PLCE1: variants seen among roughly 807,000 people sequenced by gnomAD.
PLCE1 encodes 1-phosphatidylinositol 4,5-bisphosphate phosphodiesterase epsilon-1.
A neutral mutation model predicts 242.8 loss-of-function variants in PLCE1; 119 were observed. That is an observed-to-expected ratio of 0.49 (90% confidence interval 0.42 to 0.57). The LOEUF is 0.57. Among genes scored for constraint, PLCE1 ranks in the 20% least tolerant of loss-of-function variants. The pLI, the probability that PLCE1 is intolerant of heterozygous loss-of-function variation, is 0.00. For missense variants in PLCE1, 2,441 were observed against 2,788.8 expected (o/e 0.88, Z 2.81); for synonymous variants, 945 against 1,017.4 (o/e 0.93, Z 1.35).
At chr10:94,023,934 C>G (rs967356882) in intron 1 of PLCE1, among the ~76,000 whole-genome samples, 2 of 151,916 alleles carry the variant, frequency 1.3e-5, no homozygotes, top group African/African-American at 2.4e-5. Flanking sequence ...TACACCAGTG[C>G]CTTTAGGGAA....
chr10:94,134,283 G>C lies in PLCE1; in HGVS notation c.1492+1824G>C, dbSNP rs534760156. Among the ~76,000 whole-genome samples, 7 of 152,180 alleles carry C rather than the reference G, an allele frequency of 4.6e-5. No homozygotes were observed. The South Asian group carries it at 1.5e-3, about 32-fold the overall frequency. On this transcript the variant is annotated intron_variant, in intron 3 of 32. Coordinates refer to ENST00000371380, the MANE Select transcript of PLCE1 (RefSeq NM_016341.4). ...CTGGCTAATTTTTGTATTTTTAGTA[G>C]AGACGGGGTTTTGCCATGTTGGCCA... is the stretch of plus-strand genomic sequence containing the variant.
chr10:94,262,369 T>C (rs1357747805), intron 13 of PLCE1, 125 bp from the exon 14 acceptor site: 1 of 779,190 alleles, frequency 1.3e-6, no homozygotes, highest in East Asian at 2.4e-5. Context: ...ACTTCTTTGA[T>C]GGCTTGTTTA....
chr10:94,054,345 TTTGG>T (rs2043843911), intron 2 of PLCE1, among the ~76,000 whole-genome samples: 1 of 152,310 alleles, frequency 6.6e-6, no homozygotes, highest in South Asian at 2.1e-4. Flanking sequence ...GTGCCTGAAT[TTTGG>T]CCACTGGAAT....
chr10:94,034,119 A>G (rs1003042932), intron 2 of PLCE1, among the ~76,000 whole-genome samples: 1 of 152,154 alleles, frequency 6.6e-6, no homozygotes, highest in African/African-American at 2.4e-5. Flanking sequence ...GGGAACACCC[A>G]TGTATAAAAC....
intron 1 of PLCE1, among the ~76,000 whole-genome samples, chr10:94,028,259 C>T (rs2061490024): frequency 6.6e-6 from 1 of 152,164 alleles, no homozygotes; most frequent in Non-Finnish European, 1.5e-5. Flanking sequence ...TGGTTGCAGT[C>T]AAGATATAGG....
chr10:93,998,262 A>G (rs1589830851), intron 1 of PLCE1, among the ~76,000 whole-genome samples: 1 of 152,172 alleles, frequency 6.6e-6, no homozygotes, highest in Non-Finnish European at 1.5e-5. Flanking sequence ...AGTAACCCCA[A>G]GGTTTCTCCT....
chr10:94,154,310 A>G (rs1053422101), intron 3 of PLCE1, among the ~76,000 whole-genome samples: 5 of 152,078 alleles, frequency 3.3e-5, no homozygotes, highest in Non-Finnish European at 5.9e-5. Flanking sequence ...CACCCTGTAT[A>G]AAAGTTAACT....
At position 94,259,078 on chromosome 10, in the gene PLCE1, G is replaced by A; in HGVS notation, c.3742G>A (p.Gly1248Ser). The change falls in exon 13 of 33, where the codon GGC becomes AGC. Residue 1248 changes from glycine to serine, a missense_variant. By Grantham distance (56) the Gly-to-Ser change is moderately conservative. Coordinates refer to ENST00000371380, the MANE Select transcript of PLCE1 (RefSeq NM_016341.4). ...CTATGCAGTGCCCTGCAACCGATCT[G>A]GCTCCGAGTCAGCCCCACTCTACAC... Reference protein sequence around the residue: ...DVYAVPCNRSGSESAPLYTNL... With the variant: ...DVYAVPCNRSSSESAPLYTNL... 6.2e-7 allele frequency: 1 copy of A among 1,614,042 alleles called. No individual in the cohort carries two copies. The highest frequency in any genetic ancestry group is 8.5e-7 in the Non-Finnish European group (1 of 1,179,942).
At chr10:94,052,007 T>C (rs573991706) in intron 2 of PLCE1, among the ~76,000 whole-genome samples, 2 of 152,352 alleles carry the variant, frequency 1.3e-5, no homozygotes, top group African/African-American at 4.8e-5. Context: ...TCTGTCTAGG[T>C]TTTCAGCTCC....
intron 4 of PLCE1, among the ~76,000 whole-genome samples, chr10:94,187,825 T>G (rs1484048779): frequency 1.3e-5 from 2 of 152,154 alleles, no homozygotes; most frequent in African/African-American, 2.4e-5. Flanking sequence ...CCTCATACTT[T>G]GAAAGTTAGA....
chr10:94,283,725 G>T, intron 20 of PLCE1, 65 bp from the exon 21 acceptor site: 1 of 1,551,054 alleles, frequency 6.4e-7, no homozygotes, highest in African/African-American at 1.4e-5. Context: ...TCACAGTGAT[G>T]CACATGTAGC....
chr10:94,275,647 G>A (rs1474900166), intron 19 of PLCE1, among the ~76,000 whole-genome samples: 1 of 152,016 alleles, frequency 6.6e-6, no homozygotes, highest in Non-Finnish European at 1.5e-5. Context: ...ACAAGCCTGG[G>A]CAACATATCA....
At chr10:94,130,539 T>C (rs1021772695) in intron 2 of PLCE1, among the ~76,000 whole-genome samples, 1 of 152,190 alleles carries the variant, frequency 6.6e-6, no homozygotes, top group Non-Finnish European at 1.5e-5. Flanking sequence ...TTGTTCACAC[T>C]TAATGACCAG....
chr10:94,047,217 A>G (rs1233300299), intron 2 of PLCE1, among the ~76,000 whole-genome samples: 2 of 152,188 alleles, frequency 1.3e-5, no homozygotes, highest in East Asian at 1.9e-4. Context: ...CAGAATAGCT[A>G]TAAAACGTGG....
At chr10:94,006,060 A>G (rs2061031488) in intron 1 of PLCE1, among the ~76,000 whole-genome samples, 1 of 152,208 alleles carries the variant, frequency 6.6e-6, no homozygotes, top group Admixed American at 6.5e-5. Context: ...CCCGGGTTTG[A>G]TCCAGCTTTG....
chr10:94,006,958 G>A (rs2061051325), intron 1 of PLCE1, among the ~76,000 whole-genome samples: 1 of 152,356 alleles, frequency 6.6e-6, no homozygotes. Flanking sequence ...CTGAATTGAG[G>A]TGGTGTCAGT....
chr10:94,313,488 C>A, intron 28 of PLCE1, 106 bp downstream of exon 28: 2 of 1,273,980 alleles, frequency 1.6e-6, no homozygotes, highest in Non-Finnish European at 2.3e-6. Flanking sequence ...CACATGAATG[C>A]GCAAAAGTCC....
At position 94,306,306 on chromosome 10, in the gene PLCE1, A is replaced by G. The variant is rs938119427; in HGVS notation, c.5623-121A>G. ...TACTTTTTAAACAGTTTTATTCATC[A>G]TTCACTTTGTCCATTCCAGTGTTCT... On this transcript the variant is annotated intron_variant, in intron 25 of 32. Transcript: ENST00000371380. This position sits in a 1 kb window ranked among gnomAD's most constrained non-coding sequence, Gnocchi z 5.7. The G allele has an allele frequency of 4.6e-6, 7 of 1,538,220 alleles. No individual in the cohort carries two copies. The highest frequency in any genetic ancestry group is 2.3e-5 in the South Asian group (2 of 88,716).
chr10:93,995,176 T>C (rs1414705670), intron 1 of PLCE1, among the ~76,000 whole-genome samples: 1 of 152,168 alleles, frequency 6.6e-6, no homozygotes, highest in Non-Finnish European at 1.5e-5. Context: ...GGTGACCCCA[T>C]AGGTGCTTGT....
Sources: allele counts gnomAD v4.1 joint callset (sites outside exome capture counted in the v4.1 genomes callset), GRCh38; gene constraint gnomAD v4.1.1; non-coding constraint Gnocchi (gnomAD v3.1); transcripts MANE v1.5; gene names NCBI Gene and HGNC (gene_info 2026-07-23, HGNC 2026-07-21).